BRCA2: variants seen among roughly 807,000 people sequenced by gnomAD.
BRCA2 encodes breast cancer type 2 susceptibility protein.
BRCA2 carries 203 observed loss-of-function variants against 276.7 expected under a neutral mutation model. That is an observed-to-expected ratio of 0.73 (90% CI 0.65 to 0.82). The LOEUF (loss-of-function observed/expected upper bound fraction) is 0.82, where lower values mean the gene tolerates loss of function less well. BRCA2 is among the 40% of genes least tolerant of loss of function. The pLI is 0.00. For missense variants in BRCA2, 3,920 were observed against 3,915.0 expected, an observed-to-expected ratio of 1.00 and a Z score of -0.03; for synonymous variants, 1,289 against 1,338.4, an observed-to-expected ratio of 0.96 and a Z score of 0.81.
At chr13:32,365,721 C>CTTTTTTTTTTTTTTTTTTTT (rs36116910) in intron 18 of BRCA2, among the ~76,000 whole-genome samples, 4 of 105,862 alleles carry the variant, frequency 3.8e-5, no homozygotes, top group African/African-American at 7.2e-5. Context: ...ACTTTGGTGT[C>CTTTTTTTTTTTTTTTTTTTT]TTTTTTTTTT....
At chr13:32,320,443 G>C (rs777054361) in intron 3 of BRCA2, among the ~76,000 whole-genome samples, 1 of 151,806 alleles carries the variant, frequency 6.6e-6, no homozygotes, top group Non-Finnish European at 1.5e-5. Context: ...ATTTCTTTTC[G>C]TTACCAAAAC....
At position 32,362,547 on chromosome 13, in the gene BRCA2, G is replaced by A. The variant is rs786201583; in HGVS notation, c.7830G>A (p.Val2610=). 1 of 1,613,342 alleles carries A rather than the reference G, an allele frequency of 6.2e-7. No homozygotes were observed. The highest frequency in any genetic ancestry group is 8.5e-7 in the Non-Finnish European group (1 of 1,179,698). Residue 2610 remains valine (V), a synonymous_variant, in exon 17 of 27, where the codon GTG becomes GTA. Transcript: ENST00000380152. ...FYRALCDTPG[V]DPKLISRIWV... is the part of the protein sequence containing the mutation. ...GGGCTCTGTGTGACACTCCAGGTGT[G>A]GATCCAAAGCTTATTTCTAGAATTT...
In BRCA2 at chr13:32,395,960, C is replaced by CTTTTTTTTTT. The variant is rs397838402; in HGVS notation, c.9502-919_9502-910dup. 69 of 79,196 alleles carry CTTTTTTTTTT rather than the reference C, an allele frequency of 8.7e-4. 4 individuals are homozygous for CTTTTTTTTTT. Among genetic ancestry groups the CTTTTTTTTTT allele is most frequent in the Middle Eastern group, 6.4e-3 (1 of 156 alleles). The allele number at this position is 79,196 out of a possible 1,614,324, so 4.9% of individuals were successfully genotyped here. A position where few individuals can be genotyped will look rare whatever the true frequency, so the allele number is the denominator to read the frequency against. On this transcript the variant is annotated intron_variant, in intron 25 of 26. Transcript: ENST00000380152. ...CCACATTTTCTTTTTTTCTTTCTTT[C>CTTTTTTTTTT]TTTTTTTTTTTTTTTTTTTTTTTTT...
At position 32,338,992 on chromosome 13, in the gene BRCA2, T is replaced by C. The variant is rs397507337; in HGVS notation, c.4637T>C (p.Phe1546Ser). ...TCTTTGGACAAAGTGAAAAACCTTTTTGATGAAAAAGAGCAAGGTACTAGT... is the reference window on the plus strand; with the variant it reads ...TCTTTGGACAAAGTGAAAAACCTTTCTGATGAAAAAGAGCAAGGTACTAGT... ...KESLDKVKNL[F>S]DEKEQGTSEI... The change falls in exon 11 of 27, where the codon TTT (phenylalanine) becomes TCT (serine). Residue 1546 changes from phenylalanine to serine, a missense_variant. Coordinates refer to ENST00000380152, the MANE Select transcript of BRCA2 (RefSeq NM_000059.4). 1.9e-6 allele frequency: 3 copies of C among 1,613,426 alleles called. No individual in the cohort carries two copies. The highest frequency in any genetic ancestry group is 2.5e-6 in the Non-Finnish European group (3 of 1,179,830).
At chr13:32,360,793 G>A (rs1261054993) in intron 16 of BRCA2, among the ~76,000 whole-genome samples, 2 of 152,186 alleles carry the variant, frequency 1.3e-5, no homozygotes, top group African/African-American at 4.8e-5. Context: ...AAGTGGCAGT[G>A]GAATTGGTGG....
chr13:32,382,772 A>T (rs1460259696), intron 24 of BRCA2, among the ~76,000 whole-genome samples: 1 of 152,216 alleles, frequency 6.6e-6, no homozygotes, highest in Non-Finnish European at 1.5e-5. Context: ...GAGATACTGT[A>T]TGCTGATGAG....
At position 32,394,857 on chromosome 13, in the gene BRCA2, A is replaced by G. The variant is rs80359216; in HGVS notation, c.9425A>G (p.Asp3142Gly). Residue 3142 changes from aspartate (D) to glycine (G), a missense_variant, in exon 25 of 27, where the codon GAT (aspartate) becomes GGT (glycine). Asp to Gly is a moderately conservative substitution (Grantham distance 94, BLOSUM62 -1). Transcript: ENST00000380152. ...GGCCTTCTTACTTTATTTGCTGGAGATTTTTCTGTGTTTTCTGCTAGTCCA... is the reference window on the plus strand; with the variant it reads ...GGCCTTCTTACTTTATTTGCTGGAGGTTTTTCTGTGTTTTCTGCTAGTCCA... ...KSGLLTLFAG[D>G]FSVFSASPKE... 1.2e-5 allele frequency: 19 copies of G among 1,613,896 alleles called. No homozygotes were observed. The highest frequency in any genetic ancestry group is 1.5e-5 in the Non-Finnish European group (18 of 1,179,972).
At chr13:32,387,247 T>C (rs186552929) in intron 24 of BRCA2, among the ~76,000 whole-genome samples, 40 of 152,332 alleles carry the variant, frequency 2.6e-4, no homozygotes, top group Admixed American at 1.6e-3. Context: ...ATAGTCATAA[T>C]ACAAATTAGA....
Position 32,368,082 on chromosome 13 carries a change from C to CTT in BRCA2, c.8332-2320_8332-2319insTT, listed in dbSNP as rs1411991310. 5.1e-5 allele frequency among the ~76,000 whole-genome samples: 6 copies of CTT among 118,218 alleles called. No homozygotes were observed. The East Asian group carries it at 1.5e-3, about 29-fold the overall frequency. 77.6% of individuals were successfully genotyped at this position (118,218 alleles called of 152,430 possible). Reference sequence around the variant, plus strand: ...TCGCCCAGGCTGGAGTGCAGTGGCACGATCTTGGCTCACTGCAACCTCTGC... The same window carrying CTT: ...TCGCCCAGGCTGGAGTGCAGTGGCACTTGATCTTGGCTCACTGCAACCTCTGC... On this transcript the variant is annotated intron_variant, in intron 18 of 26. Coordinates refer to ENST00000380152, the MANE Select transcript of BRCA2 (RefSeq NM_000059.4).
At chr13:32,367,024 T>G (rs1205116161) in intron 18 of BRCA2, among the ~76,000 whole-genome samples, 1 of 152,210 alleles carries the variant, frequency 6.6e-6, no homozygotes, top group Admixed American at 6.5e-5. Context: ...CTGGAAAGTC[T>G]TGACATACCA....
At position 32,339,163 on chromosome 13, in the gene BRCA2, AC is replaced by A; in HGVS notation, c.4810del (p.Val1605PhefsTer12). On this transcript the variant is annotated frameshift_variant, in exon 11 of 27. Coordinates refer to ENST00000380152, the MANE Select transcript of BRCA2 (RefSeq NM_000059.4). LOFTEE classifies it high-confidence loss of function. ...EMQNSLNNDK[N>X]LVSIETVVPP... is the part of the protein sequence containing the mutation. The stretch of plus-strand genomic sequence containing the variant: ...CAGAATTCTCTCAATAATGATAAAA[AC>A]CTTGTTTCTATTGAGACTGTGGTGC... 6.2e-7 allele frequency: 1 copy of A among 1,613,944 alleles called. No homozygotes were observed. The highest frequency in any genetic ancestry group is 1.1e-5 in the South Asian group (1 of 91,082).
At chr13:32,391,145 A>G (rs558814687) in intron 24 of BRCA2, among the ~76,000 whole-genome samples, 1 of 152,220 alleles carries the variant, frequency 6.6e-6, no homozygotes, top group South Asian at 2.1e-4. Context: ...TTACAGAAAC[A>G]CTGTGATATA....
rs191276689 is a variant in BRCA2, at chr13:32,382,679, A to G, written c.9256+2534A>G. On this transcript the variant is annotated intron_variant, in intron 24 of 26. Transcript: ENST00000380152. ...AGGATTTTTGCTTTAAGAGAAGAAG[A>G]GAAATGAATCAGTAGCCAGAAGGGG... 4.5e-3 allele frequency among the ~76,000 whole-genome samples: 683 copies of G among 152,342 alleles called. 3 individuals carry two copies. Among genetic ancestry groups the G allele is most frequent in the Non-Finnish European group, 7.3e-3 (500 of 68,034 alleles).
intron 13 of BRCA2, among the ~76,000 whole-genome samples, chr13:32,352,938 A>T (rs2072662386): frequency 6.6e-6 from 1 of 152,194 alleles, no homozygotes; most frequent in Admixed American, 6.5e-5. Flanking sequence ...AGATATCTTG[A>T]GCATAACCTA....
At chr13:32,318,085 A>T (rs1005207224) in intron 2 of BRCA2, among the ~76,000 whole-genome samples, 2 of 152,116 alleles carry the variant, frequency 1.3e-5, no homozygotes, top group African/African-American at 4.8e-5. Context: ...TATTACTATT[A>T]TTTTTAACAA....
At position 32,336,942 on chromosome 13, in the gene BRCA2, A is replaced by C. The variant is rs2137487932; in HGVS notation, c.2587A>C (p.Asn863His). The change falls in exon 11 of 27, where the codon AAT (asparagine) becomes CAT (histidine). Residue 863 changes from asparagine to histidine, a missense_variant. Physicochemically the swap from Asn to His is moderately conservative, Grantham distance 68. Coordinates refer to ENST00000380152, the MANE Select transcript of BRCA2 (RefSeq NM_000059.4). ...QNTNLRVIQK[N>H]QEETTSISKI... ...CACAAATCTAAGAGTAATCCAAAAA[A>C]ATCAAGAAGAAACTACTTCAATTTC... The C allele has an allele frequency of 6.3e-7, 1 of 1,589,436 alleles. No homozygotes were observed. Among genetic ancestry groups the C allele is most frequent in the African/African-American group, 1.4e-5 (1 of 73,266 alleles).
chr13:32,370,933 G>A (rs780822195), intron 19 of BRCA2, 23 bp from the exon 20 acceptor site: 2 of 1,613,496 alleles, frequency 1.2e-6, no homozygotes, highest in East Asian at 2.2e-5. Flanking sequence ...GACTTTTTTG[G>A]TGTGTGTAAC....
intron 18 of BRCA2, among the ~76,000 whole-genome samples, chr13:32,367,998 ATTCTTTTTTTTTTTT>A: frequency 1.3e-5 from 1 of 78,254 alleles, no homozygotes; most frequent in African/African-American, 4.7e-5. Flanking sequence ...TTTTCTTCTA[ATTCTTTTTTTTTTTT>A]TTTTTTTTTT....
In BRCA2 at chr13:32,354,924, G is replaced by C. The variant is rs45496492; in HGVS notation, c.7071G>C (p.Leu2357=). The C allele has an allele frequency of 3.7e-6, 6 of 1,613,888 alleles. No homozygotes were observed. Among genetic ancestry groups the C allele is most frequent in the Non-Finnish European group, 5.1e-6 (6 of 1,179,908 alleles). Residue 2357 remains leucine, a synonymous_variant, in exon 14 of 27, where the codon CTG becomes CTC. Transcript: ENST00000380152. ...TTACCGCACCTGGTCAAGAATTTCT[G>C]TCTAAATCTCATTTGTATGAACATC... is the stretch of plus-strand genomic sequence containing the variant. The part of the protein sequence containing the change: ...PNFTAPGQEF[L]SKSHLYEHLT...
Sources: allele counts gnomAD v4.1 joint callset (sites outside exome capture counted in the v4.1 genomes callset), GRCh38; gene constraint gnomAD v4.1.1; transcripts MANE v1.5; gene names NCBI Gene and HGNC (gene_info 2026-07-23, HGNC 2026-07-21).